The following KCND2 variants were observed in gnomAD, a reference collection of about 807,000 sequenced individuals.
The protein encoded by KCND2 is potassium voltage-gated channel subfamily D member 2, also known as A-type voltage-gated potassium channel KCND2.
In KCND2, 16 loss-of-function variants were observed where a neutral mutation model predicts 54.4. The ratio of observed to expected loss-of-function variants is 0.29; its 90% CI spans 0.20 to 0.45. The LOEUF (loss-of-function observed/expected upper bound fraction) is 0.45. KCND2 is among the 20% of genes least tolerant of loss of function. The pLI is 1.00. For synonymous variants in KCND2, 317 were observed against 310.7 expected, an observed-to-expected ratio of 1.02 and a Z score of -0.21; for missense variants, 486 against 824.2, an observed-to-expected ratio of 0.59 and a Z score of 5.02.
intron 2 of KCND2, among the ~76,000 whole-genome samples, chr7:120,734,291 G>A (rs1353028102): frequency 6.6e-6 from 1 of 152,102 alleles, no homozygotes; most frequent in African/African-American, 2.4e-5. Flanking sequence ...AGTTCACTAT[G>A]CATAGAGAAA....
intron 1 of KCND2, among the ~76,000 whole-genome samples, chr7:120,312,635 A>G (rs2116316655): frequency 6.6e-6 from 1 of 152,280 alleles, no homozygotes; most frequent in East Asian, 1.9e-4. Flanking sequence ...AATTACTTGA[A>G]TTCTTCACTA....
At chr7:120,697,345 A>G (rs1792344294) in intron 1 of KCND2, among the ~76,000 whole-genome samples, 1 of 152,204 alleles carries the variant, frequency 6.6e-6, no homozygotes, top group Admixed American at 6.5e-5. Flanking sequence ...GATGGGTAAA[A>G]GAATTCCCTT....
chr7:120,276,286 A>G (rs1319897953), intron 1 of KCND2, among the ~76,000 whole-genome samples: 2 of 152,194 alleles, frequency 1.3e-5, no homozygotes, highest in Non-Finnish European at 1.5e-5. Context: ...TATAATATAT[A>G]TGCACATATT....
At chr7:120,393,414 G>A (rs2116057917) in intron 1 of KCND2, among the ~76,000 whole-genome samples, 1 of 151,984 alleles carries the variant, frequency 6.6e-6, no homozygotes, top group Admixed American at 6.6e-5. Flanking sequence ...AGATACCTTT[G>A]GAAAGATAAC....
chr7:120,668,161 G>A, intron 1 of KCND2, among the ~76,000 whole-genome samples: 1 of 151,974 alleles, frequency 6.6e-6, no homozygotes, highest in East Asian at 1.9e-4. Flanking sequence ...TTTCACCAGT[G>A]TGCTTATATT....
chr7:120,276,213 A>T (rs1799171567), intron 1 of KCND2, among the ~76,000 whole-genome samples: 1 of 152,164 alleles, frequency 6.6e-6, no homozygotes, highest in African/African-American at 2.4e-5. Flanking sequence ...TTTTCCTCTA[A>T]GAACCATAAT....
chr7:120,432,767 C>G (rs1044948540), intron 1 of KCND2, among the ~76,000 whole-genome samples: 1 of 152,118 alleles, frequency 6.6e-6, no homozygotes, highest in African/African-American at 2.4e-5. Flanking sequence ...AGGGAAACTT[C>G]CCTGGGGTTG....
At chr7:120,613,728 C>A (rs575747036) in intron 1 of KCND2, among the ~76,000 whole-genome samples, 7 of 152,038 alleles carry the variant, frequency 4.6e-5, no homozygotes, top group African/African-American at 1.7e-4. Context: ...TTCTTAGGTC[C>A]TTTGTCATTT....
intron 1 of KCND2, among the ~76,000 whole-genome samples, chr7:120,612,376 C>T (rs893398084): frequency 2.6e-5 from 4 of 152,112 alleles, no homozygotes; most frequent in Non-Finnish European, 4.4e-5. Flanking sequence ...AGTAGTGTTT[C>T]CCATTAAATA....
At chr7:120,324,131 C>T (rs1240942968) in intron 1 of KCND2, among the ~76,000 whole-genome samples, 1 of 151,430 alleles carries the variant, frequency 6.6e-6, no homozygotes, top group Non-Finnish European at 1.5e-5. Flanking sequence ...CCTTCACCCA[C>T]TTTTTGATAG....
chr7:120,470,474 T>G (rs1802438060), intron 1 of KCND2, among the ~76,000 whole-genome samples: 1 of 152,266 alleles, frequency 6.6e-6, no homozygotes, highest in Admixed American at 6.5e-5. Context: ...TAATGTTTTA[T>G]GTCCTAGATC....
intron 1 of KCND2, among the ~76,000 whole-genome samples, chr7:120,529,780 A>G (rs1488853161): frequency 6.6e-6 from 1 of 152,092 alleles, no homozygotes; most frequent in Non-Finnish European, 1.5e-5. Flanking sequence ...GAGTCTATCC[A>G]TGTTCCCCTA....
intron 1 of KCND2, among the ~76,000 whole-genome samples, chr7:120,642,990 G>A (rs1268223090): frequency 2.0e-5 from 3 of 152,166 alleles, no homozygotes; most frequent in Non-Finnish European, 4.4e-5. Flanking sequence ...GCATACTCCA[G>A]CTCCCACAGT....
chr7:120,324,628 C>T (rs1214702123), intron 1 of KCND2, among the ~76,000 whole-genome samples: 2 of 149,966 alleles, frequency 1.3e-5, no homozygotes, highest in African/African-American at 2.4e-5. Flanking sequence ...GGTGTTATTT[C>T]TGAGGGCTCT....
chr7:120,437,127 A>G (rs1801878614), intron 1 of KCND2, among the ~76,000 whole-genome samples: 1 of 152,030 alleles, frequency 6.6e-6, no homozygotes, highest in Non-Finnish European at 1.5e-5. Context: ...GCATTTTTGA[A>G]CTCAAAATCT....
intron 1 of KCND2, among the ~76,000 whole-genome samples, chr7:120,324,330 T>TTTG (rs1799941638): frequency 6.7e-6 from 1 of 148,744 alleles, no homozygotes; most frequent in African/African-American, 2.5e-5. Context: ...AATTTTGGCT[T>TTTG]TTGTTGCCAT....
intron 1 of KCND2, among the ~76,000 whole-genome samples, chr7:120,341,653 T>C (rs1210054077): frequency 1.3e-5 from 2 of 152,110 alleles, no homozygotes; most frequent in Admixed American, 6.6e-5. Flanking sequence ...CTGGACTTAT[T>C]TGGCTGCAAT....
chr7:120,639,134 G>A (rs1340707265), intron 1 of KCND2, among the ~76,000 whole-genome samples: 1 of 152,156 alleles, frequency 6.6e-6, no homozygotes, highest in Non-Finnish European at 1.5e-5. Flanking sequence ...CCTGTAGAAT[G>A]AAATACTGCA....
intron 1 of KCND2, among the ~76,000 whole-genome samples, chr7:120,514,256 C>A (rs1436319123): frequency 6.6e-6 from 1 of 152,084 alleles, no homozygotes; most frequent in Admixed American, 6.6e-5. Context: ...TGCCCATATT[C>A]TTACCTGTCC....
Sources: allele counts gnomAD v4.1 joint callset (sites outside exome capture counted in the v4.1 genomes callset), GRCh38; gene constraint gnomAD v4.1.1; transcripts MANE v1.5; gene names NCBI Gene and HGNC (gene_info 2026-07-23, HGNC 2026-07-21).